The following SLC39A10 variants were observed in gnomAD, a reference collection of about 807,000 sequenced individuals.
SLC39A10 encodes solute carrier family 39 member 10, also known as zinc transporter ZIP10.
In SLC39A10, 13 loss-of-function variants were observed where a neutral mutation model predicts 65.1. The ratio of observed to expected loss-of-function variants is 0.20; its 90% CI spans 0.13 to 0.32. SLC39A10 has a LOEUF of 0.32. Ranked by LOEUF, SLC39A10 falls within the 10% of genes least tolerant of loss-of-function variation. SLC39A10 has a pLI of 1.00. For synonymous variants in SLC39A10, 321 were observed against 342.2 expected (o/e 0.94, Z 0.68); for missense variants, 831 against 1,018.4 (o/e 0.82, Z 2.50).
intron 1 of SLC39A10, among the ~76,000 whole-genome samples, chr2:195,661,598 A>G (rs552915879): frequency 6.6e-6 from 1 of 152,222 alleles, no homozygotes; most frequent in Admixed American, 6.5e-5. Context: ...ATGTTCAGAC[A>G]TGTTAAAACA....
intron 2 of SLC39A10, among the ~76,000 whole-genome samples, chr2:195,617,477 G>A (rs548216824): frequency 2.8e-4 from 43 of 152,016 alleles, no homozygotes; most frequent in African/African-American, 1.0e-3. Context: ...CAGAAGAATT[G>A]CTTGAACCTG....
At chr2:195,618,540 T>C (rs756892787) in intron 2 of SLC39A10, among the ~76,000 whole-genome samples, 1 of 152,244 alleles carries the variant, frequency 6.6e-6, no homozygotes, top group Non-Finnish European at 1.5e-5. Flanking sequence ...ATAGGTGTTG[T>C]CATTACCTCC....
intron 2 of SLC39A10, among the ~76,000 whole-genome samples, chr2:195,627,025 A>G (rs1340640206): frequency 6.6e-6 from 1 of 152,170 alleles, no homozygotes; most frequent in Non-Finnish European, 1.5e-5. Context: ...GGGGGAAAAT[A>G]TATTCATGAT....
intron 3 of SLC39A10, among the ~76,000 whole-genome samples, chr2:195,704,490 C>T (rs921165197): frequency 2.0e-5 from 3 of 152,058 alleles, no homozygotes; most frequent in African/African-American, 7.2e-5. Context: ...TTTGACAAAC[C>T]ATTTTTGATT....
intron 1 of SLC39A10, among the ~76,000 whole-genome samples, chr2:195,659,523 C>T (rs945129554): frequency 6.6e-6 from 1 of 152,124 alleles, no homozygotes; most frequent in African/African-American, 2.4e-5. Context: ...TCATTTCCTT[C>T]TGATTAGAGA....
At chr2:195,709,472 T>G (rs1417199192) in intron 5 of SLC39A10, among the ~76,000 whole-genome samples, 1 of 152,124 alleles carries the variant, frequency 6.6e-6, no homozygotes, top group Non-Finnish European at 1.5e-5. Flanking sequence ...CTTCAAGTGA[T>G]CCACCTGCCT....
intron 7 of SLC39A10, among the ~76,000 whole-genome samples, chr2:195,717,937 T>C (rs1265827133): frequency 6.6e-6 from 1 of 152,218 alleles, no homozygotes; most frequent in Non-Finnish European, 1.5e-5. Flanking sequence ...AGACTTAAAG[T>C]TGACCATCAA....
chr2:195,718,190 A>T, intron 7 of SLC39A10, 62 bp from the exon 8 acceptor site: 1 of 1,337,832 alleles, frequency 7.5e-7, no homozygotes. Context: ...ATCTGTCATT[A>T]ATGAAAATGT....
intron 1 of SLC39A10, chr2:195,658,709 G>A (rs890676223): frequency 3.3e-5 from 5 of 152,158 alleles, no homozygotes; most frequent in Non-Finnish European, 7.3e-5. Flanking sequence ...AAATATTTGA[G>A]TACCTTAATA....
At chr2:195,635,859 G>C (rs1183677537) in intron 2 of SLC39A10, among the ~76,000 whole-genome samples, 1 of 152,116 alleles carries the variant, frequency 6.6e-6, no homozygotes, top group Non-Finnish European at 1.5e-5. Flanking sequence ...TCTGAGATTG[G>C]TGTTGATATT....
intron 3 of SLC39A10, among the ~76,000 whole-genome samples, chr2:195,690,486 A>T (rs1407315443): frequency 1.3e-5 from 2 of 152,162 alleles, no homozygotes; most frequent in African/African-American, 2.4e-5. Context: ...GTACCATTTT[A>T]CATTACCCCC....
chr2:195,650,206 C>T (rs1411753942), intron 2 of SLC39A10, among the ~76,000 whole-genome samples: 1 of 149,798 alleles, frequency 6.7e-6, no homozygotes, highest in South Asian at 2.1e-4. Flanking sequence ...GGCATGAACC[C>T]GGGAGGCGGA....
In SLC39A10 at chr2:195,728,398, A is replaced by G; in HGVS notation, c.2337+49A>G. On this transcript the variant is annotated intron_variant, in intron 9 of 9. Transcript: ENST00000359634. This position sits in a 1 kb window ranked among gnomAD's most constrained non-coding sequence, Gnocchi z 4.4. ...TGGTACTAAACCTGCAAATGAAAGAAATCCTTGGAAGTGGTTTGAAGCCAA... is the reference window on the plus strand; with the variant it reads ...TGGTACTAAACCTGCAAATGAAAGAGATCCTTGGAAGTGGTTTGAAGCCAA... The G allele has an allele frequency of 6.5e-7, 1 of 1,533,282 alleles. No individual in the cohort carries two copies. The allele number at this position is 1,533,282 out of a possible 1,614,324, so 95.0% of individuals were successfully genotyped here.
intron 2 of SLC39A10, among the ~76,000 whole-genome samples, chr2:195,630,144 G>GTTTT (rs1350242402): frequency 8.1e-6 from 1 of 123,030 alleles, no homozygotes. Flanking sequence ...TATGGTTTGG[G>GTTTT]TTTTTTTTTT....
At position 195,737,429 on chromosome 2, in the gene SLC39A10, G is replaced by GGAAA. The variant is rs1692681833; in HGVS notation, c.*2388_*2389insGAAA. 6.3e-6 allele frequency: 1 copy of GGAAA among 157,502 alleles called. No individual in the cohort carries two copies. The highest frequency in any genetic ancestry group is 2.4e-5 in the African/African-American group (1 of 41,226). The allele number at this position is 157,502 out of a possible 1,614,324, so 9.8% of individuals were successfully genotyped here. On this transcript the variant is annotated 3_prime_UTR_variant, in exon 10 of 10. Transcript: ENST00000359634. The stretch of plus-strand genomic sequence containing the variant: ...AGCTGTGATTGATTGATTATGCTTA[G>GGAAA]AAATACTATAGTAACTAGATGCAGT...
Position 195,680,634 on chromosome 2 carries a change from A to G in SLC39A10, c.592A>G (p.Asn198Asp). The G allele has an allele frequency of 6.2e-7, 1 of 1,614,160 alleles. No individual in the cohort carries two copies. The highest frequency in any genetic ancestry group is 1.1e-5 in the South Asian group (1 of 91,084). Residue 198 changes from asparagine to aspartate, a missense_variant, in exon 2 of 10, where the codon AAT becomes GAT. Physicochemically the swap from Asn to Asp is conservative, Grantham distance 23 (BLOSUM62 1). Transcript: ENST00000359634. ...LDHNNTHHFH[N>D]DSITPSERGE... ...TCATAACAACACTCACCATTTTCAT[A>G]ATGATTCCATTACTCCCAGTGAGCG...
chr2:195,679,388 A>G (rs1354415465), intron 1 of SLC39A10, among the ~76,000 whole-genome samples: 1 of 152,206 alleles, frequency 6.6e-6, no homozygotes, highest in Non-Finnish European at 1.5e-5. Context: ...TATTGCACCA[A>G]ATACCACAGC....
Position 195,681,292 on chromosome 2 carries a change from C to T in SLC39A10, c.1008+242C>T, listed in dbSNP as rs142530746. Among the ~76,000 whole-genome samples the T allele has an allele frequency of 9.0e-3, 1,376 of 152,168 alleles. 19 individuals are homozygous for T. The highest frequency in any genetic ancestry group is 0.032 in the African/African-American group (1,314 of 41,512). On this transcript the variant is annotated intron_variant, in intron 2 of 9. Coordinates refer to ENST00000359634, the MANE Select transcript of SLC39A10 (RefSeq NM_020342.3). ...CTGTAATCCCAGCACTTTGGGAGGC[C>T]GAGGCGGGTAGATCATGAGGTCGGG... is the stretch of plus-strand genomic sequence containing the variant.
intron 8 of SLC39A10, among the ~76,000 whole-genome samples, chr2:195,723,795 T>C (rs1692137415): frequency 6.6e-6 from 1 of 152,076 alleles, no homozygotes; most frequent in African/African-American, 2.4e-5. Flanking sequence ...ACTTACCTAT[T>C]GGGTACTGGG....
Sources: gnomAD v4.1 joint callset for allele counts (sites outside exome capture counted in the v4.1 genomes callset) on GRCh38, gnomAD v4.1.1 for gene constraint, Gnocchi (gnomAD v3.1) non-coding constraint, MANE v1.5 for transcripts, NCBI Gene and HGNC (gene_info 2026-07-23, HGNC 2026-07-21) for gene names.